Variants in CSMD1 observed in about 807,000 individuals in gnomAD.
CSMD1 encodes the protein CUB and Sushi multiple domains 1, also known as CUB and sushi domain-containing protein 1.
CSMD1 carries 213 observed loss-of-function variants against 417.5 expected under a neutral mutation model. The ratio of observed to expected loss-of-function variants is 0.51; its 90% CI spans 0.46 to 0.57. The LOEUF (loss-of-function observed/expected upper bound fraction) is 0.57. CSMD1 is among the 20% of genes least tolerant of loss of function. CSMD1 has a pLI of 0.00. For synonymous variants in CSMD1, 2,862 were observed against 1,736.8 expected (o/e 1.65, Z -16.11); for missense variants, 6,923 against 4,529.7 (o/e 1.53, Z -15.17).
At chr8:4,044,155 A>G (rs180874812) in intron 3 of CSMD1, among the ~76,000 whole-genome samples, 31 of 152,320 alleles carry the variant, frequency 2.0e-4, no homozygotes, top group Admixed American at 1.8e-3. Context: ...AAGAAAGAAG[A>G]TGAGAGTTGG....
At chr8:3,548,279 A>G (rs1419294207) in intron 10 of CSMD1, among the ~76,000 whole-genome samples, 1 of 152,126 alleles carries the variant, frequency 6.6e-6, no homozygotes, top group Non-Finnish European at 1.5e-5. Flanking sequence ...TGTCTATTTT[A>G]AAATGCTTAT....
intron 2 of CSMD1, among the ~76,000 whole-genome samples, chr8:4,623,957 A>C (rs1801938236): frequency 6.6e-6 from 1 of 152,090 alleles, no homozygotes; most frequent in African/African-American, 2.4e-5. Flanking sequence ...ATCCAATTTA[A>C]AATTTTCAAT....
chr8:3,707,915 G>A (rs954067216), intron 7 of CSMD1, among the ~76,000 whole-genome samples: 84 of 152,126 alleles, frequency 5.5e-4, no homozygotes, highest in African/African-American at 1.7e-3. Flanking sequence ...TCCTGGGCAC[G>A]TGCAAAAGTC....
intron 3 of CSMD1, among the ~76,000 whole-genome samples, chr8:4,355,121 G>T (rs965489992): frequency 6.6e-6 from 1 of 151,904 alleles, no homozygotes; most frequent in Non-Finnish European, 1.5e-5. Flanking sequence ...AATTAGCCGG[G>T]CGTGGTGGCG....
At chr8:4,262,326 CT>C (rs1168407447) in intron 3 of CSMD1, among the ~76,000 whole-genome samples, 2 of 152,132 alleles carry the variant, frequency 1.3e-5, no homozygotes, top group African/African-American at 2.4e-5. Flanking sequence ...AGCCCTGCCT[CT>C]TTTTTTCATT....
chr8:3,541,391 G>T (rs1209781695), intron 10 of CSMD1, among the ~76,000 whole-genome samples: 5 of 152,114 alleles, frequency 3.3e-5, no homozygotes, highest in African/African-American at 1.2e-4. Flanking sequence ...AGCTGGGGAG[G>T]GAGAGCATCA....
chr8:4,075,118 T>G (rs1424603226), intron 3 of CSMD1, among the ~76,000 whole-genome samples: 3 of 152,094 alleles, frequency 2.0e-5, no homozygotes, highest in Non-Finnish European at 4.4e-5. Context: ...TTGAATACAG[T>G]AAATATCAAA....
intron 12 of CSMD1, among the ~76,000 whole-genome samples, chr8:3,467,219 G>C (rs539809929): frequency 2.0e-5 from 3 of 152,322 alleles, no homozygotes; most frequent in Middle Eastern, 3.4e-3. Context: ...CAAGGATGCA[G>C]TTTGGGCACG....
At chr8:3,030,282 G>A (rs927081302) in intron 50 of CSMD1, among the ~76,000 whole-genome samples, 1 of 151,878 alleles carries the variant, frequency 6.6e-6, no homozygotes, top group African/African-American at 2.4e-5. Flanking sequence ...AAAAGTGCAA[G>A]ATGATTTAAA....
rs563171803 is a variant in CSMD1 at position 2,989,475 on chromosome 8, C to G, written c.8377+8536G>C. Among the ~76,000 whole-genome samples, 3 of 152,340 alleles carry G rather than the reference C, an allele frequency of 2.0e-5. No individual in the cohort carries two copies. The East Asian group carries it at 5.8e-4, about 29-fold the overall frequency. Reference sequence around the variant, plus strand: ...GTCCATTAACCTCCTCCTCCATCCCCTGCTTCATCAGATATATTTGAAAAA... The same window carrying G: ...GTCCATTAACCTCCTCCTCCATCCCGTGCTTCATCAGATATATTTGAAAAA... On this transcript the variant is annotated intron_variant, in intron 54 of 69. Coordinates refer to ENST00000635120, the MANE Select transcript of CSMD1 (RefSeq NM_033225.6).
chr8:4,987,752 G>A (rs1310550396), intron 1 of CSMD1, among the ~76,000 whole-genome samples: 2 of 152,150 alleles, frequency 1.3e-5, no homozygotes, highest in African/African-American at 2.4e-5. Context: ...CTCAATGTGG[G>A]TGGGCACCAG....
At chr8:4,365,855 A>C (rs1802037867) in intron 3 of CSMD1, among the ~76,000 whole-genome samples, 1 of 152,348 alleles carries the variant, frequency 6.6e-6, no homozygotes, top group African/African-American at 2.4e-5. Context: ...AAACATCACT[A>C]AAAATCTACT....
chr8:4,787,900 G>C, intron 1 of CSMD1: 2 of 1,584,710 alleles, frequency 1.3e-6, no homozygotes, highest in African/African-American at 1.3e-5. Context: ...ATTTGGTGTT[G>C]ATGTAACCAC....
chr8:4,158,260 G>A (rs1368769492), intron 3 of CSMD1, among the ~76,000 whole-genome samples: 2 of 151,946 alleles, frequency 1.3e-5, no homozygotes, highest in African/African-American at 2.4e-5. Context: ...TGCCAGCTCT[G>A]CAGACATCGG....
intron 12 of CSMD1, among the ~76,000 whole-genome samples, chr8:3,442,672 A>C (rs557860035): frequency 3.3e-5 from 5 of 152,322 alleles, no homozygotes; most frequent in African/African-American, 1.2e-4. Flanking sequence ...ATCATCTAAC[A>C]ACACATCTCA....
At chr8:4,096,236 C>G (rs1176873673) in intron 3 of CSMD1, among the ~76,000 whole-genome samples, 1 of 152,084 alleles carries the variant, frequency 6.6e-6, no homozygotes, top group Non-Finnish European at 1.5e-5. Flanking sequence ...TAATAAAAAG[C>G]AACCGACTTT....
intron 5 of CSMD1, among the ~76,000 whole-genome samples, chr8:3,817,681 C>G (rs1358675725): frequency 6.6e-6 from 1 of 152,118 alleles, no homozygotes; most frequent in Non-Finnish European, 1.5e-5. Flanking sequence ...TTTAATGGAA[C>G]TTTCCACTTC....
intron 3 of CSMD1, among the ~76,000 whole-genome samples, chr8:4,404,711 A>G (rs527615043): frequency 1.3e-5 from 2 of 152,162 alleles, no homozygotes; most frequent in Admixed American, 1.3e-4. Context: ...TTTAAATTTT[A>G]CTTATATTTT....
intron 27 of CSMD1, among the ~76,000 whole-genome samples, chr8:3,226,903 G>A (rs2116887774): frequency 6.7e-6 from 1 of 149,980 alleles, no homozygotes; most frequent in Non-Finnish European, 1.5e-5. Flanking sequence ...GATCAATCAG[G>A]AAAGAACAAA....
Sources: allele counts gnomAD v4.1 joint callset (sites outside exome capture counted in the v4.1 genomes callset), GRCh38; gene constraint gnomAD v4.1.1; transcripts MANE v1.5; gene names NCBI Gene and HGNC (gene_info 2026-07-23, HGNC 2026-07-21).